The following ITPR2 variants were observed in gnomAD, a reference collection of about 807,000 sequenced individuals.
The protein encoded by ITPR2 is inositol 1,4,5-trisphosphate receptor type 2.
ITPR2 carries 207 observed loss-of-function variants against 317.1 expected under a neutral mutation model. The observed-to-expected ratio is 0.65, with a 90% CI of 0.58 to 0.73. The LOEUF is 0.73. Among genes scored for constraint, ITPR2 ranks in the 30% least tolerant of loss-of-function variants. The pLI is 0.00. For synonymous variants in ITPR2, 1,156 were observed against 1,149.1 expected, an observed-to-expected ratio of 1.01 and a Z score of -0.12; for missense variants, 2,613 against 3,284.0, an observed-to-expected ratio of 0.80 and a Z score of 4.99.
chr12:26,537,303 G>A (rs1565588619), intron 37 of ITPR2, among the ~76,000 whole-genome samples: 1 of 152,220 alleles, frequency 6.6e-6, no homozygotes, highest in Non-Finnish European at 1.5e-5. Flanking sequence ...TCAGCCAAGA[G>A]GATGGGGGAC....
At chr12:26,462,622 C>T (rs1263867925) in intron 45 of ITPR2, among the ~76,000 whole-genome samples, 1 of 151,974 alleles carries the variant, frequency 6.6e-6, no homozygotes, top group East Asian at 1.9e-4. Context: ...GCTCATACTT[C>T]CTCAACATGC....
chr12:26,580,011 C>T lies in ITPR2; in HGVS notation c.4509+16G>A, dbSNP rs1034756110. The T allele has an allele frequency of 2.5e-6, 4 of 1,602,068 alleles. No individual in the cohort carries two copies. The South Asian group carries it at 3.4e-5, about 14-fold the overall frequency. On this transcript the variant is annotated intron_variant, in intron 33 of 56. Coordinates refer to ENST00000381340, the MANE Select transcript of ITPR2 (RefSeq NM_002223.4). ...AAACTCTTTGCAACAGAATGCTTTG[C>T]AATTGTTTAACTTACCTGGAGGCTG...
Position 26,643,487 on chromosome 12 carries a change from T to C in ITPR2, c.2740+10489A>G, listed in dbSNP as rs1591991127. On this transcript the variant is annotated intron_variant, in intron 21 of 56. Coordinates refer to ENST00000381340, the MANE Select transcript of ITPR2 (RefSeq NM_002223.4). ...AAGTCTCAGAGGAGAGGAGGAGAGC[T>C]ACAGAGAAAGCATGTAGCTCTAATA... 2.0e-5 allele frequency among the ~76,000 whole-genome samples: 3 copies of C among 152,198 alleles called. No individual in the cohort carries two copies. The South Asian group carries it at 6.2e-4, about 32-fold the overall frequency.
intron 45 of ITPR2, among the ~76,000 whole-genome samples, chr12:26,474,670 T>C (rs1402821900): frequency 1.3e-5 from 2 of 149,812 alleles, no homozygotes; most frequent in African/African-American, 4.9e-5. Flanking sequence ...GGCGGGCGCC[T>C]GTAGTCCCAG....
intron 13 of ITPR2, among the ~76,000 whole-genome samples, chr12:26,672,739 A>G (rs1457038939): frequency 7.9e-5 from 12 of 152,016 alleles, no homozygotes; most frequent in Non-Finnish European, 1.5e-5. Flanking sequence ...AAAACCCTTC[A>G]AAAAAATCAA....
intron 39 of ITPR2, among the ~76,000 whole-genome samples, chr12:26,487,491 A>G (rs1292499363): frequency 3.3e-5 from 5 of 152,204 alleles, no homozygotes; most frequent in Non-Finnish European, 7.4e-5. Context: ...TGTTTAATTT[A>G]TCCTTACTGG....
intron 1 of ITPR2, among the ~76,000 whole-genome samples, chr12:26,790,478 C>G (rs1399009740): frequency 1.3e-5 from 2 of 152,130 alleles, no homozygotes; most frequent in East Asian, 3.8e-4. Context: ...TGACATGGAA[C>G]ACTGCGGAGC....
intron 10 of ITPR2, among the ~76,000 whole-genome samples, chr12:26,689,226 G>A (rs1022391962): frequency 6.6e-6 from 1 of 152,082 alleles, no homozygotes; most frequent in Non-Finnish European, 1.5e-5. Context: ...AGACCAGCCT[G>A]GGCAACATGG....
intron 45 of ITPR2, among the ~76,000 whole-genome samples, chr12:26,474,066 A>G (rs1942355126): frequency 1.3e-5 from 2 of 152,248 alleles, no homozygotes; most frequent in African/African-American, 4.8e-5. Flanking sequence ...CCTTCCTGGA[A>G]GGTTTTGGAA....
At chr12:26,443,522 C>CA in intron 46 of ITPR2, 21 bp downstream of exon 46, 1 of 1,567,828 alleles carries the variant, frequency 6.4e-7, no homozygotes. Flanking sequence ...TGGTCTCTTT[C>CA]AATAAATAAT....
Position 26,339,478 on chromosome 12 carries a change from T to C in ITPR2, c.8025A>G (p.Thr2675=). The change falls in exon 57 of 57, where the codon ACA becomes ACG. Residue 2675 remains threonine, a synonymous_variant. Transcript: ENST00000381340. ...GQLAELKEQM[T]EQRKNKQRLG... is the part of the protein sequence containing the mutation. ...GTCTCTGCTTATTCTTCCTTTGTTC[T>C]GTCATCTGGGGGAAAAGAGAGAGTG... 2 of 1,613,606 alleles carry C rather than the reference T, an allele frequency of 1.2e-6. No individual in the cohort carries two copies. Among genetic ancestry groups the C allele is most frequent in the Non-Finnish European group, 1.7e-6 (2 of 1,179,610 alleles).
At chr12:26,653,202 T>C (rs915151313) in intron 21 of ITPR2, among the ~76,000 whole-genome samples, 2 of 151,716 alleles carry the variant, frequency 1.3e-5, no homozygotes, top group Admixed American at 1.3e-4. Flanking sequence ...TCACTCCTTC[T>C]CTGGCGTGAT....
intron 26 of ITPR2, among the ~76,000 whole-genome samples, chr12:26,605,179 T>C (rs1946104250): frequency 6.7e-6 from 1 of 149,208 alleles, no homozygotes; most frequent in South Asian, 2.1e-4. Flanking sequence ...GTAAAGCCAA[T>C]GTAGAAGAGA....
intron 32 of ITPR2, among the ~76,000 whole-genome samples, chr12:26,581,874 C>T (rs1294693964): frequency 6.6e-6 from 1 of 152,174 alleles, no homozygotes; most frequent in East Asian, 1.9e-4. Context: ...AACGACCTCC[C>T]TCATTCAGTG....
At chr12:26,421,961 T>C (rs969466604) in intron 49 of ITPR2, among the ~76,000 whole-genome samples, 2 of 151,626 alleles carry the variant, frequency 1.3e-5, no homozygotes, top group Non-Finnish European at 2.9e-5. Flanking sequence ...TAATACACCA[T>C]CCAAATGATT....
At chr12:26,410,123 A>G (rs958551405) in intron 52 of ITPR2, among the ~76,000 whole-genome samples, 1 of 152,210 alleles carries the variant, frequency 6.6e-6, no homozygotes, top group African/African-American at 2.4e-5. Context: ...ACTCACTGTT[A>G]TAGTATGTGA....
intron 55 of ITPR2, among the ~76,000 whole-genome samples, chr12:26,364,620 T>C (rs1463179131): frequency 6.6e-6 from 1 of 152,126 alleles, no homozygotes; most frequent in Non-Finnish European, 1.5e-5. Flanking sequence ...TAAAACCAAC[T>C]AACTCCCTTT....
At chr12:26,357,360 T>A (rs1216609626) in intron 55 of ITPR2, among the ~76,000 whole-genome samples, 1 of 152,192 alleles carries the variant, frequency 6.6e-6, no homozygotes, top group East Asian at 1.9e-4. Context: ...TGGTTGAATT[T>A]TGTTGGTGGA....
chr12:26,672,738 C>CA (rs1198946712), intron 13 of ITPR2, among the ~76,000 whole-genome samples: 1 of 151,810 alleles, frequency 6.6e-6, no homozygotes, highest in Non-Finnish European at 1.5e-5. Context: ...AAAAACCCTT[C>CA]AAAAAAATCA....
Sources: gnomAD v4.1 joint callset for allele counts (sites outside exome capture counted in the v4.1 genomes callset) on GRCh38, gnomAD v4.1.1 for gene constraint, MANE v1.5 for transcripts, NCBI Gene and HGNC (gene_info 2026-07-23, HGNC 2026-07-21) for gene names.